The following DNAAF11 variants were observed in gnomAD, a reference collection of about 807,000 sequenced individuals.
DNAAF11 encodes leucine rich repeat containing 6.
DNAAF11 carries 45 observed loss-of-function variants against 60.8 expected under a neutral mutation model. The ratio of observed to expected loss-of-function variants is 0.74; its 90% CI spans 0.58 to 0.95. The LOEUF is 0.95. Among genes scored for constraint, DNAAF11 ranks in the 40% least tolerant of loss-of-function variants. The probability of loss-of-function intolerance (pLI) is 0.00; values close to 1 mark genes in which losing one functional copy is unlikely to be tolerated. For missense variants in DNAAF11, 546 were observed against 546.2 expected (o/e 1.00, Z 0.00); for synonymous variants, 191 against 183.5 (o/e 1.04, Z -0.33).
At chr8:132,668,298 G>A (rs558947130) in intron 1 of DNAAF11, among the ~76,000 whole-genome samples, 11 of 152,284 alleles carry the variant, frequency 7.2e-5, no homozygotes, top group Middle Eastern at 3.4e-3. Context: ...CTTTAGGGAC[G>A]ACTTACTGGA....
chr8:132,702,845 G>C, the DNAAF11 span, among the ~76,000 whole-genome samples: 2 of 152,176 alleles, frequency 1.3e-5, no homozygotes, highest in African/African-American at 4.8e-5. Context: ...GAAGTATCAT[G>C]CTATACTGCG....
At chr8:132,679,426 G>A (rs554913627), upstream of DNAAF11, among the ~76,000 whole-genome samples, 1 of 152,302 alleles carries the variant, frequency 6.6e-6, no homozygotes, top group East Asian at 1.9e-4. Context: ...AGGTGTCCCT[G>A]TTGTAAAGGA....
At chr8:132,688,825 T>A in the DNAAF11 span, among the ~76,000 whole-genome samples, 1 of 152,194 alleles carries the variant, frequency 6.6e-6, no homozygotes, top group Non-Finnish European at 1.5e-5. Flanking sequence ...TTAGTTTGAG[T>A]TGGATGTCAC....
At chr8:132,669,594 C>G (rs1563718724) in intron 1 of DNAAF11, among the ~76,000 whole-genome samples, 2 of 152,080 alleles carry the variant, frequency 1.3e-5, no homozygotes. Context: ...GGACTGGGAG[C>G]ACTATGAAGA....
chr8:132,685,314 A>G, the DNAAF11 span, among the ~76,000 whole-genome samples: 17 of 152,214 alleles, frequency 1.1e-4, no homozygotes, highest in Non-Finnish European at 1.8e-4. Context: ...AAATCCACAA[A>G]AATTAAAACC....
chr8:132,668,424 G>A (rs746620007), intron 1 of DNAAF11, among the ~76,000 whole-genome samples: 9 of 152,160 alleles, frequency 5.9e-5, no homozygotes, highest in Non-Finnish European at 1.3e-4. Flanking sequence ...GTCAGAAGAA[G>A]CTTCATGGAG....
At chr8:132,584,055 C>T (rs1432639086) in intron 10 of DNAAF11, among the ~76,000 whole-genome samples, 1 of 151,992 alleles carries the variant, frequency 6.6e-6, no homozygotes, top group African/African-American at 2.4e-5. Flanking sequence ...CAAATATTAT[C>T]GACAAGACAA....
intron 3 of DNAAF11, among the ~76,000 whole-genome samples, chr8:132,646,598 C>T (rs1397663406): frequency 3.9e-5 from 6 of 152,062 alleles, no homozygotes; most frequent in East Asian, 1.9e-4. Flanking sequence ...ACCCATCTCA[C>T]GTGCAGAGAC....
chr8:132,603,076 C>G (rs1171175285), intron 10 of DNAAF11, among the ~76,000 whole-genome samples: 2 of 152,230 alleles, frequency 1.3e-5, no homozygotes, highest in African/African-American at 4.8e-5. Flanking sequence ...TTGTTTTCTT[C>G]CCACCTGTGT....
Position 132,595,603 on chromosome 8 carries a change from C to T in DNAAF11, c.1141-11824G>A, listed in dbSNP as rs189324052. On this transcript the variant is annotated intron_variant, in intron 10 of 11. Transcript: ENST00000620350. Reference sequence around the variant, plus strand: ...CTTTAAAAAAAATAAATAACAACCACGTTGAAATAATTACACCTGAGCACA... The same window carrying T: ...CTTTAAAAAAAATAAATAACAACCATGTTGAAATAATTACACCTGAGCACA... Among the ~76,000 whole-genome samples the T allele has an allele frequency of 2.6e-5, 4 of 152,042 alleles. 1 individual carries two copies. The highest frequency in any genetic ancestry group is 4.2e-4 in the South Asian group (2 of 4,816).
intron 5 of DNAAF11, among the ~76,000 whole-genome samples, chr8:132,629,339 C>CT (rs202230443): frequency 0.14 from 20,320 of 147,306 alleles, 1,987 homozygotes; most frequent in African/African-American, 0.27. Context: ...GATACCCATT[C>CT]TCTTTTTTTT....
At chr8:132,621,585 G>A (rs200844399) in intron 7 of DNAAF11, among the ~76,000 whole-genome samples, 1 of 152,128 alleles carries the variant, frequency 6.6e-6, no homozygotes, top group East Asian at 1.9e-4. Flanking sequence ...TTCTGTTGTA[G>A]GCTAAATAGA....
At chr8:132,678,700 T>C (rs1212357591), upstream of DNAAF11, among the ~76,000 whole-genome samples, 1 of 151,596 alleles carries the variant, frequency 6.6e-6, no homozygotes, top group Non-Finnish European at 1.5e-5. Flanking sequence ...TGCCCTTATA[T>C]TGAACTTCCA....
At chr8:132,619,997 A>G (rs1316594103) in intron 7 of DNAAF11, among the ~76,000 whole-genome samples, 1 of 152,150 alleles carries the variant, frequency 6.6e-6, no homozygotes. Context: ...TTCTCAACGA[A>G]ATAGGAAACA....
At chr8:132,638,759 A>C (rs1284201764) in intron 3 of DNAAF11, among the ~76,000 whole-genome samples, 1 of 152,182 alleles carries the variant, frequency 6.6e-6, no homozygotes, top group Non-Finnish European at 1.5e-5. Flanking sequence ...TTTTATAGTA[A>C]ATCTGACCCA....
At chr8:132,594,875 C>G (rs1454580678) in intron 10 of DNAAF11, among the ~76,000 whole-genome samples, 1 of 151,926 alleles carries the variant, frequency 6.6e-6, no homozygotes, top group East Asian at 1.9e-4. Context: ...AACGGACTAA[C>G]AAAGGAAATT....
upstream of DNAAF11, among the ~76,000 whole-genome samples, chr8:132,676,779 A>G (rs569807731): frequency 1.3e-5 from 2 of 152,178 alleles, no homozygotes; most frequent in South Asian, 2.1e-4. Context: ...AGAATGAGAG[A>G]TTAGATCGGG....
At chr8:132,636,683 C>T (rs893681832) in intron 4 of DNAAF11, among the ~76,000 whole-genome samples, 3 of 152,186 alleles carry the variant, frequency 2.0e-5, no homozygotes, top group Admixed American at 6.5e-5. Context: ...CACAGCATTA[C>T]ACTACAAGAT....
the DNAAF11 span, among the ~76,000 whole-genome samples, chr8:132,691,011 G>A: frequency 6.6e-6 from 1 of 151,972 alleles, no homozygotes; most frequent in Non-Finnish European, 1.5e-5. Context: ...CCTCCTCCCT[G>A]CCTCTTTTCC....
Sources: gnomAD v4.1 joint callset for allele counts (sites outside exome capture counted in the v4.1 genomes callset) on GRCh38, gnomAD v4.1.1 for gene constraint, MANE v1.5 for transcripts, NCBI Gene and HGNC (gene_info 2026-07-23, HGNC 2026-07-21) for gene names.